The following DIAPH1 variants were observed in gnomAD, a reference collection of about 807,000 sequenced individuals.
DIAPH1 encodes protein diaphanous homolog 1.
A neutral mutation model predicts 140.7 loss-of-function variants in DIAPH1; 46 were observed. That is an observed-to-expected ratio of 0.33 (90% CI 0.26 to 0.42). The LOEUF (loss-of-function observed/expected upper bound fraction) is 0.42, where lower values mean the gene tolerates loss of function less well. Among genes scored for constraint, DIAPH1 ranks in the 10% least tolerant of loss-of-function variants. The pLI is 1.00. For missense variants in DIAPH1, 1,310 were observed against 1,558.7 expected (o/e 0.84, Z 2.69); for synonymous variants, 565 against 551.6 (o/e 1.02, Z -0.34).
chr5:141,568,415 T>C (rs1205990978), intron 18 of DIAPH1, among the ~76,000 whole-genome samples: 1 of 152,226 alleles, frequency 6.6e-6, no homozygotes, highest in Non-Finnish European at 1.5e-5. Flanking sequence ...AGAAGTTTTA[T>C]GGCACTGCCT....
At chr5:141,544,542 T>A (rs936319693) in intron 18 of DIAPH1, among the ~76,000 whole-genome samples, 1 of 152,082 alleles carries the variant, frequency 6.6e-6, no homozygotes, top group African/African-American at 2.4e-5. Context: ...AACCCAATTT[T>A]AAAAAATGGA....
intron 19 of DIAPH1, 74 bp downstream of exon 19, chr5:141,534,261 T>C (rs1222200113): frequency 5.0e-6 from 6 of 1,192,808 alleles, no homozygotes; most frequent in African/African-American, 3.0e-5. Context: ...CAAGGGACCA[T>C]AGATTCAAGA....
At chr5:141,551,484 T>C (rs1232055137) in intron 18 of DIAPH1, among the ~76,000 whole-genome samples, 1 of 151,794 alleles carries the variant, frequency 6.6e-6, no homozygotes, top group Non-Finnish European at 1.5e-5. Context: ...CTCAAATAGT[T>C]CAATAAAAAA....
intron 7 of DIAPH1, among the ~76,000 whole-genome samples, chr5:141,581,511 TTA>T (rs1390811608): frequency 6.6e-6 from 1 of 152,178 alleles, no homozygotes; most frequent in East Asian, 1.9e-4. Context: ...AGTCTTTGAT[TTA>T]TATGTTTCTT....
intron 24 of DIAPH1, among the ~76,000 whole-genome samples, chr5:141,526,863 A>ATTT: frequency 6.6e-6 from 1 of 151,902 alleles, no homozygotes; most frequent in African/African-American, 2.4e-5. Flanking sequence ...CGCCCAGCTG[A>ATTT]TTTTTTTGTA....
At chr5:141,614,380 G>A (rs2099902316) in intron 1 of DIAPH1, among the ~76,000 whole-genome samples, 1 of 151,844 alleles carries the variant, frequency 6.6e-6, no homozygotes, top group Admixed American at 6.6e-5. Flanking sequence ...GAATAGCCTG[G>A]CAATACATTT....
chr5:141,589,689 T>C (rs748069423), intron 1 of DIAPH1, among the ~76,000 whole-genome samples: 13 of 152,158 alleles, frequency 8.5e-5, no homozygotes, highest in Non-Finnish European at 1.8e-4. Flanking sequence ...AAGCAGCTTC[T>C]GGGGTGTTTA....
At chr5:141,577,953 TA>T (rs1474630234) in intron 11 of DIAPH1, 3 of 550,596 alleles carry the variant, frequency 5.4e-6, no homozygotes, top group Non-Finnish European at 9.8e-6. Context: ...TACATCTTAG[TA>T]AGCTAAGCTA....
intron 1 of DIAPH1, among the ~76,000 whole-genome samples, chr5:141,599,012 T>C (rs1230108244): frequency 1.3e-5 from 2 of 152,200 alleles, no homozygotes; most frequent in African/African-American, 2.4e-5. Context: ...TCACCTCTAC[T>C]TGATTCTCTG....
intron 27 of DIAPH1, among the ~76,000 whole-genome samples, chr5:141,523,310 C>T (rs1436009269): frequency 6.6e-6 from 1 of 152,174 alleles, no homozygotes; most frequent in Non-Finnish European, 1.5e-5. Flanking sequence ...CCACTCCTAG[C>T]CTCAAAAGAC....
At chr5:141,609,353 C>A (rs1287816349) in intron 1 of DIAPH1, among the ~76,000 whole-genome samples, 1 of 152,146 alleles carries the variant, frequency 6.6e-6, no homozygotes, top group Non-Finnish European at 1.5e-5. Flanking sequence ...AATAGTTACA[C>A]TGCAGTCCAG....
At chr5:141,517,773 G>A (rs775986507) in intron 27 of DIAPH1, among the ~76,000 whole-genome samples, 1 of 152,158 alleles carries the variant, frequency 6.6e-6, no homozygotes, top group Non-Finnish European at 1.5e-5. Flanking sequence ...AGCCCAGGTG[G>A]CTAAGAGATG....
intron 1 of DIAPH1, among the ~76,000 whole-genome samples, chr5:141,613,264 T>G (rs902868661): frequency 2.0e-5 from 3 of 152,190 alleles, no homozygotes; most frequent in Non-Finnish European, 4.4e-5. Context: ...AAACAAATAT[T>G]TAAAGGGCAA....
intron 8 of DIAPH1, among the ~76,000 whole-genome samples, chr5:141,579,822 C>G (rs887680524): frequency 2.0e-5 from 3 of 151,962 alleles, no homozygotes; most frequent in African/African-American, 7.3e-5. Flanking sequence ...GTGGCGGACT[C>G]CTGTAGTCCC....
chr5:141,566,489 T>A (rs2099894396), intron 18 of DIAPH1, among the ~76,000 whole-genome samples: 1 of 152,206 alleles, frequency 6.6e-6, no homozygotes, highest in African/African-American at 2.4e-5. Flanking sequence ...TTTTTAGGAA[T>A]TGTTTCCTTT....
chr5:141,581,008 C>T, intron 7 of DIAPH1, 125 bp from the exon 8 acceptor site: 2 of 1,068,168 alleles, frequency 1.9e-6, no homozygotes, highest in Non-Finnish European at 2.9e-6. Flanking sequence ...TCCCAACCCC[C>T]AGTACCTCAA....
intron 18 of DIAPH1, among the ~76,000 whole-genome samples, chr5:141,546,431 G>A (rs1047229177): frequency 1.3e-5 from 2 of 152,116 alleles, no homozygotes; most frequent in Non-Finnish European, 2.9e-5. Flanking sequence ...GCCGAGGCAG[G>A]TGGATCACGA....
intron 18 of DIAPH1, among the ~76,000 whole-genome samples, chr5:141,570,693 C>G (rs2099895052): frequency 6.6e-6 from 1 of 151,972 alleles, no homozygotes; most frequent in African/African-American, 2.4e-5. Flanking sequence ...ATTTTCATCA[C>G]TAGGGTCATA....
In DIAPH1 at chr5:141,528,699, C is replaced by T. The variant is rs2154594998; in HGVS notation, c.3018+3G>A. 1.2e-6 allele frequency: 2 copies of T among 1,614,238 alleles called. No homozygotes were observed. Among genetic ancestry groups the T allele is most frequent in the South Asian group, 1.1e-5 (1 of 91,086 alleles). On this transcript the variant is annotated splice_donor_region_variant and intron_variant, in intron 22 of 27. Transcript: ENST00000389054. ...GTTGTCCTGCCCTACCTCTTTGGCT[C>T]ACCTTACAGAGGAAGCTGATATTGA... is the stretch of plus-strand genomic sequence containing the variant.
Sources: gnomAD v4.1 joint callset for allele counts (sites outside exome capture counted in the v4.1 genomes callset) on GRCh38, gnomAD v4.1.1 for gene constraint, MANE v1.5 for transcripts, NCBI Gene and HGNC (gene_info 2026-07-23, HGNC 2026-07-21) for gene names.